Variants in PAPPA2 observed in about 807,000 individuals in gnomAD.
PAPPA2 encodes the protein pappalysin 2.
Under a neutral mutation model 176.4 loss-of-function variants are expected in PAPPA2, and 86 were observed. The ratio of observed to expected loss-of-function variants is 0.49; its 90% CI spans 0.41 to 0.58. The LOEUF is 0.58. Among genes scored for constraint, PAPPA2 ranks in the 20% least tolerant of loss-of-function variants. The pLI, the probability that PAPPA2 is intolerant of heterozygous loss-of-function variation, is 0.00. For synonymous variants in PAPPA2, 809 were observed against 852.2 expected, an observed-to-expected ratio of 0.95 and a Z score of 0.88; for missense variants, 2,073 against 2,256.9, an observed-to-expected ratio of 0.92 and a Z score of 1.65.
intron 14 of PAPPA2, among the ~76,000 whole-genome samples, chr1:176,749,899 C>T (rs901288523): frequency 2.6e-5 from 4 of 152,106 alleles, no homozygotes; most frequent in Non-Finnish European, 4.4e-5. Flanking sequence ...TTGGTTTCTT[C>T]CAAGTTTTGG....
intron 1 of PAPPA2, among the ~76,000 whole-genome samples, chr1:176,498,419 G>A (rs1329853489): frequency 6.6e-6 from 1 of 152,082 alleles, no homozygotes; most frequent in Non-Finnish European, 1.5e-5. Context: ...TTTCTAACCA[G>A]AGCTTATAAT....
chr1:176,541,304 A>G (rs1480597257), intron 1 of PAPPA2, among the ~76,000 whole-genome samples: 1 of 152,232 alleles, frequency 6.6e-6, no homozygotes, highest in Non-Finnish European at 1.5e-5. Context: ...ATTAACAGCG[A>G]ATACATTTGT....
chr1:176,649,197 G>T (rs187277170), intron 3 of PAPPA2, among the ~76,000 whole-genome samples: 2 of 151,172 alleles, frequency 1.3e-5, no homozygotes, highest in Admixed American at 1.3e-4. Context: ...CTCACTTCTA[G>T]ATTTTCCAAT....
At chr1:176,609,779 G>A (rs993456861) in intron 3 of PAPPA2, among the ~76,000 whole-genome samples, 3 of 152,168 alleles carry the variant, frequency 2.0e-5, no homozygotes, top group African/African-American at 7.2e-5. Flanking sequence ...GTGGCTAACT[G>A]CCCTGACTAC....
At chr1:176,776,588 A>T (rs1664466728) in intron 17 of PAPPA2, among the ~76,000 whole-genome samples, 1 of 152,036 alleles carries the variant, frequency 6.6e-6, no homozygotes, top group Non-Finnish European at 1.5e-5. Context: ...AAATTGGGGG[A>T]GAGCCTGAGA....
At position 176,699,137 on chromosome 1, in the gene PAPPA2, A is replaced by G. The variant is rs777901310; in HGVS notation, c.2784A>G (p.Leu928=). The change falls in exon 8 of 23, where the codon TTA becomes TTG. Residue 928 remains leucine, a synonymous_variant. Coordinates refer to ENST00000367662, the MANE Select transcript of PAPPA2 (RefSeq NM_020318.3). ...PDVDQPCEPS[L]QAWSPEVHLY... ...TGGATCAGCCCTGCGAGCCAAGCTT[A>G]CAGGCCTGGAGCCCTGAGGTCCACC... 1.9e-6 allele frequency: 3 copies of G among 1,613,952 alleles called. No homozygotes were observed. The highest frequency in any genetic ancestry group is 2.5e-6 in the Non-Finnish European group (3 of 1,179,930).
intron 1 of PAPPA2, among the ~76,000 whole-genome samples, chr1:176,495,589 G>C (rs1371669275): frequency 2.0e-5 from 3 of 151,616 alleles, no homozygotes; most frequent in Non-Finnish European, 4.4e-5. Context: ...ACAGCTAGAG[G>C]ATGGTGACTA....
chr1:176,783,431 G>C lies in PAPPA2; in HGVS notation c.4716-6378G>C, dbSNP rs187222889. Among the ~76,000 whole-genome samples, 504 of 152,268 alleles carry C rather than the reference G, an allele frequency of 3.3e-3. 1 individual carries two copies. Among genetic ancestry groups the C allele is most frequent in the African/African-American group, 0.012 (484 of 41,564 alleles). ...ATGGGGTGGACTATGTGTGCCTCAA[G>C]CAACATCAATCAAACTTTCAGCCAA... On this transcript the variant is annotated intron_variant, in intron 17 of 22. Transcript: ENST00000367662.
At chr1:176,833,217 T>G (rs1243042678) in intron 21 of PAPPA2, among the ~76,000 whole-genome samples, 1 of 152,224 alleles carries the variant, frequency 6.6e-6, no homozygotes, top group South Asian at 2.1e-4. Flanking sequence ...AGAAGATCCT[T>G]AACGTCTTAC....
intron 2 of PAPPA2, among the ~76,000 whole-genome samples, chr1:176,592,201 A>G (rs1354533757): frequency 6.6e-6 from 1 of 152,202 alleles, no homozygotes; most frequent in Non-Finnish European, 1.5e-5. Flanking sequence ...AAGTATGAAC[A>G]ATGGTAACAA....
chr1:176,703,528 CTG>C, intron 9 of PAPPA2, among the ~76,000 whole-genome samples: 1 of 152,170 alleles, frequency 6.6e-6, no homozygotes, highest in Non-Finnish European at 1.5e-5. Flanking sequence ...AAGCCAGACA[CTG>C]TGATTTGTCT....
intron 1 of PAPPA2, among the ~76,000 whole-genome samples, chr1:176,474,372 G>A (rs1652018897): frequency 6.6e-6 from 1 of 152,168 alleles, no homozygotes; most frequent in African/African-American, 2.4e-5. Flanking sequence ...GCCTGGAAGT[G>A]ACACACATCC....
chr1:176,694,314 A>G (rs905271531), intron 6 of PAPPA2, among the ~76,000 whole-genome samples: 3 of 152,188 alleles, frequency 2.0e-5, no homozygotes, highest in Non-Finnish European at 2.9e-5. Context: ...TGGACGCTCA[A>G]TGGTGTTTGG....
chr1:176,725,287 G>A (rs1661814375), intron 12 of PAPPA2, among the ~76,000 whole-genome samples: 1 of 152,052 alleles, frequency 6.6e-6, no homozygotes, highest in Non-Finnish European at 1.5e-5. Flanking sequence ...ACAGGCAGTG[G>A]GTCAGATTTG....
chr1:176,786,391 A>G (rs1571325495), intron 17 of PAPPA2, among the ~76,000 whole-genome samples: 1 of 152,106 alleles, frequency 6.6e-6, no homozygotes, highest in South Asian at 2.1e-4. Flanking sequence ...TTTAGCTGGG[A>G]AGGAATGCAA....
At chr1:176,571,606 T>C (rs1000488399) in intron 2 of PAPPA2, among the ~76,000 whole-genome samples, 1 of 152,206 alleles carries the variant, frequency 6.6e-6, no homozygotes, top group Non-Finnish European at 1.5e-5. Flanking sequence ...CTGGCTCATG[T>C]TCCTCAGTCC....
intron 17 of PAPPA2, among the ~76,000 whole-genome samples, chr1:176,777,050 AATCACTTC>A (rs1664485578): frequency 6.6e-6 from 1 of 152,104 alleles, no homozygotes; most frequent in Admixed American, 6.6e-5. Context: ...AGTTTCAGCA[AATCACTTC>A]ATTTCTCTCA....
chr1:176,690,386 C>T lies in PAPPA2; in HGVS notation c.2387C>T (p.Thr796Ile). 6.2e-7 allele frequency: 1 copy of T among 1,614,194 alleles called. No homozygotes were observed. Among genetic ancestry groups the T allele is most frequent in the Non-Finnish European group, 8.5e-7 (1 of 1,180,018 alleles). Residue 796 changes from threonine (T) to isoleucine (I), a missense_variant, in exon 5 of 23, where the codon ACT (threonine) becomes ATT (isoleucine). Around this residue, in one of 4 missense-constraint regions of PAPPA2, gnomAD observed 1,196 missense variants for 1,330.4 expected, o/e 0.90. Coordinates refer to ENST00000367662, the MANE Select transcript of PAPPA2 (RefSeq NM_020318.3). Reference protein sequence around the residue: ...PEPTSDTCGFTRFPGAPFTNY... With the variant: ...PEPTSDTCGFIRFPGAPFTNY... ...CCCACTAGTGACACCTGTGGCTTCA[C>T]TCGCTTCCCAGGGGCTCCGTTCACC...
intron 1 of PAPPA2, among the ~76,000 whole-genome samples, chr1:176,487,027 G>T (rs1335202157): frequency 6.6e-6 from 1 of 152,024 alleles, no homozygotes; most frequent in Non-Finnish European, 1.5e-5. Flanking sequence ...ATGGCCAAAA[G>T]GGCCTCCACA....
Sources: gnomAD v4.1 joint callset for allele counts (sites outside exome capture counted in the v4.1 genomes callset) on GRCh38, gnomAD v4.1.1 for gene constraint, gnomAD v4.1.1 regional missense constraint, MANE v1.5 for transcripts, NCBI Gene and HGNC (gene_info 2026-07-23, HGNC 2026-07-21) for gene names.